Variants in WDR48 observed in about 807,000 individuals in gnomAD.
WDR48 encodes WD repeat-containing protein 48.
A neutral mutation model predicts 94.0 loss-of-function variants in WDR48; 22 were observed. That is an observed-to-expected ratio of 0.23 (90% CI 0.17 to 0.33). WDR48 has a LOEUF of 0.33. WDR48 is among the 10% of genes least tolerant of loss of function. WDR48 has a pLI of 1.00. For missense variants in WDR48, 541 were observed against 813.8 expected, an observed-to-expected ratio of 0.66 and a Z score of 4.08; for synonymous variants, 278 against 280.5, an observed-to-expected ratio of 0.99 and a Z score of 0.09.
chr3:39,061,944 T>C (rs1195057191), intron 1 of WDR48, among the ~76,000 whole-genome samples: 1 of 152,176 alleles, frequency 6.6e-6, no homozygotes, highest in Admixed American at 6.5e-5. Flanking sequence ...GATGGGGTTG[T>C]TTTTGTTGTT....
At chr3:39,055,906 C>T (rs1202758422) in intron 1 of WDR48, among the ~76,000 whole-genome samples, 1 of 152,178 alleles carries the variant, frequency 6.6e-6, no homozygotes, top group Non-Finnish European at 1.5e-5. Context: ...CAGCTAAATG[C>T]CAAGAGGACT....
chr3:39,073,808 G>A (rs2034067515), intron 7 of WDR48, among the ~76,000 whole-genome samples: 1 of 152,188 alleles, frequency 6.6e-6, no homozygotes, highest in Non-Finnish European at 1.5e-5. Flanking sequence ...CCAACGCAAA[G>A]AGTGAATGGT....
chr3:39,060,104 A>G (rs2033157625), intron 1 of WDR48, among the ~76,000 whole-genome samples: 1 of 152,156 alleles, frequency 6.6e-6, no homozygotes, highest in African/African-American at 2.4e-5. Flanking sequence ...CACATACCAT[A>G]AAGTGCACCC....
rs546155019 is a variant in WDR48 at position 39,074,015 on chromosome 3, C to T, written c.673-711C>T. ...TGTTAAAGCACCAGTTGCTGGGTTC[C>T]AACAGAGTTTCTGCCTTGTTAGCTC... On this transcript the variant is annotated intron_variant, in intron 7 of 18. Transcript: ENST00000302313. 9.2e-5 allele frequency among the ~76,000 whole-genome samples: 14 copies of T among 152,282 alleles called. No individual in the cohort carries two copies. In the East Asian group the frequency reaches 2.5e-3, roughly 27 times the overall value.
Position 39,088,175 on chromosome 3 carries a change from C to A in WDR48, c.1522C>A (p.Gln508Lys). 1 of 1,614,160 alleles carries A rather than the reference C, an allele frequency of 6.2e-7. No individual in the cohort carries two copies. Among genetic ancestry groups the A allele is most frequent in the Non-Finnish European group, 8.5e-7 (1 of 1,180,032 alleles). ...NRVQKGNGYF[Q>K]VPPHTPVIFG... The stretch of plus-strand genomic sequence containing the variant: ...AGTGCAGAAGGGAAATGGATATTTT[C>A]AAGTGCCCCCACATACACCCGTGAT... The change falls in exon 15 of 19, where the codon CAA becomes AAA. Residue 508 changes from glutamine (Q) to lysine (K), a missense_variant. Physicochemically the swap from Gln to Lys is moderately conservative, Grantham distance 53. This residue lies in a region of WDR48 where 238 missense variants were observed against 285.3 expected (regional missense o/e 0.83). Transcript: ENST00000302313.
In WDR48 at chr3:39,094,706, G is replaced by C. The variant is rs1003129577; in HGVS notation, c.1997G>C (p.Gly666Ala). The C allele has an allele frequency of 6.2e-7, 1 of 1,613,964 alleles. No homozygotes were observed. The highest frequency in any genetic ancestry group is 1.3e-5 in the African/African-American group (1 of 74,970). The change falls in exon 19 of 19, where the codon GGA becomes GCA. Residue 666 changes from glycine (G) to alanine (A), a missense_variant. Around this residue, in one of 5 missense-constraint regions of WDR48, gnomAD observed 109 missense variants for 195.5 expected, o/e 0.56. Transcript: ENST00000302313. ...TVKHFIWKSG[G>A]DLTLHYRQKS... ...AAACACTTCATATGGAAGAGCGGTG[G>C]AGACCTCACCCTCCATTACCGTCAG...
Position 39,094,060 on chromosome 3 carries a change from G to C in WDR48, c.1932G>C (p.Gln644His). 6.2e-7 allele frequency: 1 copy of C among 1,610,770 alleles called. No individual in the cohort carries two copies. Among genetic ancestry groups the C allele is most frequent in the East Asian group, 2.2e-5 (1 of 44,846 alleles). ...AGGAGAAAATTGAACTTTTGTGCCAGGACCAGGTAAGTGGACTTGAGGACT... is the reference window on the plus strand; with the variant it reads ...AGGAGAAAATTGAACTTTTGTGCCACGACCAGGTAAGTGGACTTGAGGACT... ...LAEEKIELLC[Q>H]DQVLDPNMDL... Residue 644 changes from glutamine to histidine, a missense_variant, in exon 18 of 19, where the codon CAG (glutamine) becomes CAC (histidine). Coordinates refer to ENST00000302313, the MANE Select transcript of WDR48 (RefSeq NM_020839.4).
intron 16 of WDR48, chr3:39,090,315 T>C (rs2035015755): frequency 6.6e-6 from 1 of 152,262 alleles, no homozygotes; most frequent in African/African-American, 2.4e-5. Context: ...TTGGGTCATT[T>C]TTCTTACTGA....
intron 17 of WDR48, 81 bp from the exon 18 acceptor site, chr3:39,093,793 T>C (rs1204778365): frequency 6.8e-6 from 9 of 1,320,860 alleles, no homozygotes; most frequent in Non-Finnish European, 7.9e-6. Flanking sequence ...TTTAAAATGT[T>C]TGCATCAAAG....
chr3:39,082,277 ACTTTTTTTTTT>A (rs908919681), intron 11 of WDR48, among the ~76,000 whole-genome samples: 9 of 150,322 alleles, frequency 6.0e-5, no homozygotes, highest in Non-Finnish European at 1.2e-4. Flanking sequence ...CAAGAGTGAT[ACTTTTTTTTTT>A]CTTTTTTTTT....
intron 1 of WDR48, among the ~76,000 whole-genome samples, chr3:39,062,314 T>C (rs1006667462): frequency 6.6e-6 from 1 of 152,254 alleles, no homozygotes; most frequent in Admixed American, 6.5e-5. Context: ...GTTTTACTTC[T>C]GGCTGCCAGC....
chr3:39,073,912 A>AC (rs1161201570), intron 7 of WDR48, among the ~76,000 whole-genome samples: 1 of 152,210 alleles, frequency 6.6e-6, no homozygotes, highest in Non-Finnish European at 1.5e-5. Context: ...CAGAGGTGTA[A>AC]CCCAGGACTT....
chr3:39,070,138 T>TA (rs1157585083), intron 7 of WDR48, among the ~76,000 whole-genome samples: 1 of 152,212 alleles, frequency 6.6e-6, no homozygotes, highest in African/African-American at 2.4e-5. Context: ...ACTATGTAGA[T>TA]ATAGTTGATA....
At chr3:39,066,206 T>G (rs2033596262) in intron 3 of WDR48, among the ~76,000 whole-genome samples, 1 of 152,228 alleles carries the variant, frequency 6.6e-6, no homozygotes, top group African/African-American at 2.4e-5. Context: ...TTAGCCTTAT[T>G]AATACCTCTT....
intron 1 of WDR48, among the ~76,000 whole-genome samples, chr3:39,061,562 G>A (rs537584369): frequency 1.2e-4 from 18 of 152,224 alleles, no homozygotes; most frequent in South Asian, 2.1e-4. Context: ...ATAAACATAC[G>A]TGGGCATGTT....
intron 13 of WDR48, 97 bp downstream of exon 13, chr3:39,084,838 A>C: frequency 1.0e-6 from 1 of 999,318 alleles, no homozygotes; most frequent in Non-Finnish European, 1.5e-6. Context: ...AAAGTTCTCT[A>C]TATTTTGTTG....
chr3:39,075,546 T>A (rs1479612480), intron 8 of WDR48, among the ~76,000 whole-genome samples: 1 of 152,044 alleles, frequency 6.6e-6, no homozygotes, highest in African/African-American at 2.4e-5. Context: ...GCCATGTGGG[T>A]CAAAGGGTTC....
At chr3:39,076,221 A>G (rs1042345402) in intron 8 of WDR48, among the ~76,000 whole-genome samples, 1 of 152,180 alleles carries the variant, frequency 6.6e-6, no homozygotes, top group Non-Finnish European at 1.5e-5. Flanking sequence ...TTCAGACAAA[A>G]CTGGCCAAGT....
At chr3:39,059,701 C>T (rs1250779017) in intron 1 of WDR48, among the ~76,000 whole-genome samples, 1 of 152,158 alleles carries the variant, frequency 6.6e-6, no homozygotes, top group Non-Finnish European at 1.5e-5. Context: ...TTTGTGTCTG[C>T]AGCCCTGGCC....
Sources: gnomAD v4.1 joint callset for allele counts (sites outside exome capture counted in the v4.1 genomes callset) on GRCh38, gnomAD v4.1.1 for gene constraint, gnomAD v4.1.1 regional missense constraint, MANE v1.5 for transcripts, NCBI Gene and HGNC (gene_info 2026-07-23, HGNC 2026-07-21) for gene names.